Variants in DLG2 observed in about 807,000 individuals in gnomAD.
DLG2 encodes the protein discs large MAGUK scaffold protein 2, also known as disks large homolog 2.
A neutral mutation model predicts 132.5 loss-of-function variants in DLG2; 45 were observed. That is an observed-to-expected ratio of 0.34 (90% confidence interval 0.27 to 0.44). The LOEUF is 0.44. DLG2 is among the 20% of genes least tolerant of loss of function. The probability of loss-of-function intolerance (pLI) is 1.00; values close to 1 mark genes in which losing one functional copy is unlikely to be tolerated. For synonymous variants in DLG2, 424 were observed against 419.6 expected (o/e 1.01, Z -0.13); for missense variants, 1,045 against 1,196.9 (o/e 0.87, Z 1.87).
chr11:85,015,364 A>G (rs2059485861), intron 6 of DLG2, among the ~76,000 whole-genome samples: 1 of 151,906 alleles, frequency 6.6e-6, no homozygotes, highest in Admixed American at 6.6e-5. Context: ...ATAAGAGACA[A>G]CCTAATGAAA....
At chr11:84,162,296 G>A (rs2095563829) in intron 9 of DLG2, among the ~76,000 whole-genome samples, 1 of 151,602 alleles carries the variant, frequency 6.6e-6, no homozygotes, top group African/African-American at 2.4e-5. Flanking sequence ...CATCTTTCCA[G>A]GCTTTATGAG....
chr11:84,324,362 ATC>A (rs1397460692), intron 7 of DLG2, among the ~76,000 whole-genome samples: 1 of 152,050 alleles, frequency 6.6e-6, no homozygotes, highest in African/African-American at 2.4e-5. Flanking sequence ...TTTGATTTTT[ATC>A]TGTGTGGGTT....
chr11:85,598,172 A>G (rs983776328), intron 3 of DLG2, among the ~76,000 whole-genome samples: 3 of 152,094 alleles, frequency 2.0e-5, no homozygotes, highest in African/African-American at 7.2e-5. Context: ...ATTCTGGATC[A>G]TAAACTTTCC....
At chr11:83,706,411 G>T (rs1050357355) in intron 18 of DLG2, among the ~76,000 whole-genome samples, 1 of 151,978 alleles carries the variant, frequency 6.6e-6, no homozygotes, top group African/African-American at 2.4e-5. Context: ...ATGACCACTT[G>T]GCAAAGATAT....
At chr11:84,931,072 A>T (rs916173913) in intron 6 of DLG2, among the ~76,000 whole-genome samples, 2 of 152,084 alleles carry the variant, frequency 1.3e-5, no homozygotes, top group Non-Finnish European at 2.9e-5. Flanking sequence ...TTCTGGGCAG[A>T]TTCCAAACAG....
At chr11:83,471,294 C>A (rs1459983153) in intron 24 of DLG2, among the ~76,000 whole-genome samples, 1 of 152,046 alleles carries the variant, frequency 6.6e-6, no homozygotes, top group African/African-American at 2.4e-5. Flanking sequence ...GTTTCAGTGG[C>A]ATTTTGATCA....
At chr11:85,391,976 T>C (rs1259207804) in intron 3 of DLG2, among the ~76,000 whole-genome samples, 1 of 152,036 alleles carries the variant, frequency 6.6e-6, no homozygotes, top group East Asian at 1.9e-4. Context: ...GGCATCCAAA[T>C]TGGTAATGAG....
intron 7 of DLG2, among the ~76,000 whole-genome samples, chr11:84,449,679 A>C (rs2099045756): frequency 6.6e-6 from 1 of 151,904 alleles, no homozygotes; most frequent in Admixed American, 6.6e-5. Context: ...TAAAATGTTT[A>C]CATACTATCT....
intron 6 of DLG2, among the ~76,000 whole-genome samples, chr11:85,094,187 C>T (rs1044151625): frequency 1.8e-4 from 27 of 152,160 alleles, no homozygotes; most frequent in African/African-American, 6.0e-4. Context: ...GTCATCCAGG[C>T]TTTGTTCTTC....
intron 19 of DLG2, among the ~76,000 whole-genome samples, chr11:83,609,739 C>T (rs765530535): frequency 1.3e-4 from 20 of 151,956 alleles, no homozygotes; most frequent in Non-Finnish European, 2.5e-4. Context: ...TTTCTATTTC[C>T]AAGCAAAAAA....
intron 6 of DLG2, among the ~76,000 whole-genome samples, chr11:84,930,174 G>T (rs2047925838): frequency 6.6e-6 from 1 of 152,060 alleles, no homozygotes; most frequent in East Asian, 1.9e-4. Context: ...TATGAGATCA[G>T]CCCCTACAGA....
chr11:84,554,517 TG>T (rs1166710271), intron 6 of DLG2, among the ~76,000 whole-genome samples: 3 of 151,952 alleles, frequency 2.0e-5, no homozygotes, highest in Non-Finnish European at 4.4e-5. Flanking sequence ...GAGGCCGAGG[TG>T]GGCAGATCAC....
intron 6 of DLG2, among the ~76,000 whole-genome samples, chr11:85,080,589 C>T (rs1208315015): frequency 2.6e-5 from 4 of 152,002 alleles, no homozygotes; most frequent in African/African-American, 9.7e-5. Context: ...GATGAGGCTT[C>T]GGTTAACTTG....
intron 4 of DLG2, among the ~76,000 whole-genome samples, chr11:85,250,210 G>A (rs947965849): frequency 5.3e-5 from 8 of 152,182 alleles, no homozygotes; most frequent in Admixed American, 2.6e-4. Flanking sequence ...TCATAAATGC[G>A]TTTCTTTTTA....
At chr11:85,396,670 G>A (rs780078858) in intron 3 of DLG2, among the ~76,000 whole-genome samples, 1 of 152,074 alleles carries the variant, frequency 6.6e-6, no homozygotes, top group Non-Finnish European at 1.5e-5. Context: ...GTGGAAGAAA[G>A]GATATCAGTA....
intron 15 of DLG2, among the ~76,000 whole-genome samples, chr11:83,879,260 T>C (rs1405834541): frequency 2.0e-5 from 3 of 152,244 alleles, no homozygotes; most frequent in Non-Finnish European, 2.9e-5. Flanking sequence ...TATGTTATTC[T>C]AATGGACAGC....
intron 9 of DLG2, among the ~76,000 whole-genome samples, chr11:84,120,990 T>C (rs374966729): frequency 4.6e-5 from 7 of 152,222 alleles, no homozygotes; most frequent in East Asian, 3.8e-4. Context: ...CTCTAATTTC[T>C]TTTGTCTTTA....
intron 4 of DLG2, among the ~76,000 whole-genome samples, chr11:85,266,873 C>A (rs1183052352): frequency 6.6e-6 from 1 of 152,168 alleles, no homozygotes; most frequent in African/African-American, 2.4e-5. Context: ...ATGTTAGAAA[C>A]CAAAACTTTT....
chr11:84,916,189 C>CA lies in DLG2; in HGVS notation c.357+195471dup, dbSNP rs953763741. On this transcript the variant is annotated intron_variant, in intron 6 of 27. Coordinates refer to ENST00000376104, the MANE Select transcript of DLG2 (RefSeq NM_001142699.3). ...TGAAACCCCGTCTCTACTAAAAATA[C>CA]AAAAAAAAAATTAGCCGGGCGTAGT... is the stretch of plus-strand genomic sequence containing the variant. Among the ~76,000 whole-genome samples the CA allele has an allele frequency of 1.1e-3, 160 of 146,378 alleles. 2 individuals carry two copies. The highest frequency in any genetic ancestry group is 3.5e-3 in the African/African-American group (140 of 40,114).
Sources: gnomAD v4.1 joint callset for allele counts (sites outside exome capture counted in the v4.1 genomes callset) on GRCh38, gnomAD v4.1.1 for gene constraint, MANE v1.5 for transcripts, NCBI Gene and HGNC (gene_info 2026-07-23, HGNC 2026-07-21) for gene names.